Variants in EYA1 observed in about 807,000 individuals in gnomAD.
EYA1 encodes the protein protein phosphatase EYA1.
EYA1 carries 16 observed loss-of-function variants against 82.0 expected under a neutral mutation model. The observed-to-expected ratio is 0.20, with a 90% CI of 0.13 to 0.30. The LOEUF (loss-of-function observed/expected upper bound fraction) is 0.30. Among genes scored for constraint, EYA1 ranks in the 10% least tolerant of loss-of-function variants. The pLI is 1.00. For synonymous variants in EYA1, 261 were observed against 264.4 expected, an observed-to-expected ratio of 0.99 and a Z score of 0.12; for missense variants, 633 against 730.7, an observed-to-expected ratio of 0.87 and a Z score of 1.54.
At chr8:71,335,796 A>G (rs930488377) in intron 3 of EYA1, among the ~76,000 whole-genome samples, 2 of 151,854 alleles carry the variant, frequency 1.3e-5, no homozygotes, top group Non-Finnish European at 2.9e-5. Flanking sequence ...TACCTCCTTA[A>G]AAACACACAC....
chr8:71,523,044 T>C (rs961447836), intron 2 of EYA1, among the ~76,000 whole-genome samples: 1 of 152,208 alleles, frequency 6.6e-6, no homozygotes, highest in Non-Finnish European at 1.5e-5. Context: ...TTTTTCTCCC[T>C]TTACAAGTGC....
intron 2 of EYA1, among the ~76,000 whole-genome samples, chr8:71,456,968 C>A (rs1294799358): frequency 6.6e-6 from 1 of 152,144 alleles, no homozygotes; most frequent in Non-Finnish European, 1.5e-5. Context: ...TCAAAGTGAA[C>A]AGGCAACCTA....
chr8:71,362,008 G>C lies in EYA1; in HGVS notation c.-416C>G. On this transcript the variant is annotated 5_prime_UTR_variant, in exon 1 of 18. Coordinates refer to ENST00000340726, the MANE Select transcript of EYA1 (RefSeq NM_000503.6). ...GCCATCAGCTCCCACCGTTCTGTTTGGTAACAGCTTTGCGCCCAGCGCTCC... is the reference window on the plus strand; with the variant it reads ...GCCATCAGCTCCCACCGTTCTGTTTCGTAACAGCTTTGCGCCCAGCGCTCC... 1 of 985,496 alleles carries C rather than the reference G, an allele frequency of 1.0e-6. No homozygotes were observed. Among genetic ancestry groups the C allele is most frequent in the Non-Finnish European group, 1.2e-6 (1 of 829,990 alleles). 61.0% of individuals were successfully genotyped at this position (985,496 alleles called of 1,614,324 possible). A position where few individuals can be genotyped will look rare whatever the true frequency, so the allele number is the denominator to read the frequency against.
chr8:71,535,876 G>T, intron 1 of EYA1: 1 of 609,518 alleles, frequency 1.6e-6, no homozygotes. Flanking sequence ...TCACACAGCT[G>T]TATTAATTGT....
At chr8:71,443,450 T>G (rs1315728946) in intron 2 of EYA1, among the ~76,000 whole-genome samples, 27 of 152,158 alleles carry the variant, frequency 1.8e-4, no homozygotes, top group Admixed American at 1.8e-3. Context: ...CTGGCTAATT[T>G]TTGTATTTTC....
chr8:71,538,978 G>A (rs919518202), intron 1 of EYA1, among the ~76,000 whole-genome samples: 13 of 152,004 alleles, frequency 8.6e-5, no homozygotes, highest in South Asian at 2.1e-4. Context: ...CTTTATTTAC[G>A]CACTTTTGAG....
rs754967347 is a variant in EYA1 at position 71,215,511 on chromosome 8, A to G, written c.1476-3T>C. On this transcript the variant is annotated splice_polypyrimidine_tract_variant and splice_region_variant and intron_variant, in intron 15 of 17. Transcript: ENST00000340726. ...CTAAAATATTCACACAGTTTGTCCT[A>G]TGAGAACAAAAAGAAAACAAAGACT... The G allele has an allele frequency of 6.2e-6, 10 of 1,613,522 alleles. No homozygotes were observed. The highest frequency in any genetic ancestry group is 6.8e-6 in the Non-Finnish European group (8 of 1,179,416).
intron 2 of EYA1, among the ~76,000 whole-genome samples, chr8:71,428,996 GA>G (rs1242749444): frequency 6.6e-6 from 1 of 152,154 alleles, no homozygotes; most frequent in Non-Finnish European, 1.5e-5. Flanking sequence ...AGAGGCCCAG[GA>G]AAACAGATCT....
chr8:71,252,245 G>C (rs745421957), intron 11 of EYA1, among the ~76,000 whole-genome samples: 1 of 151,798 alleles, frequency 6.6e-6, no homozygotes, highest in Non-Finnish European at 1.5e-5. Context: ...GTTTTTGCAG[G>C]GCTAAGTCAT....
rs528934922 is a variant in EYA1, at chr8:71,394,558, C to A, written c.34-38047G>T. On this transcript the variant is annotated intron_variant, in intron 2 of 18. Coordinates refer to the EYA1 transcript ENST00000643681. Reference sequence around the variant, plus strand: ...ATTTATTAAATAGGGAATCATTTCCCTATTTCTTGTTTTTGTCAGGGTTGT... The same window carrying A: ...ATTTATTAAATAGGGAATCATTTCCATATTTCTTGTTTTTGTCAGGGTTGT... Among the ~76,000 whole-genome samples, 27 of 152,226 alleles carry A rather than the reference C, an allele frequency of 1.8e-4. 1 individual carries two copies. Among genetic ancestry groups the A allele is most frequent in the Admixed American group, 1.3e-4 (2 of 15,294 alleles).
At chr8:71,402,149 C>T (rs1386976632) in intron 2 of EYA1, among the ~76,000 whole-genome samples, 1 of 152,174 alleles carries the variant, frequency 6.6e-6, no homozygotes, top group Non-Finnish European at 1.5e-5. Context: ...CATTTGAGAA[C>T]CAGATGCACC....
At chr8:71,524,932 T>C (rs1417897687) in intron 2 of EYA1, among the ~76,000 whole-genome samples, 1 of 152,250 alleles carries the variant, frequency 6.6e-6, no homozygotes, top group Non-Finnish European at 1.5e-5. Context: ...TGTTTCGGAA[T>C]ACTGCCTGGA....
intron 2 of EYA1, among the ~76,000 whole-genome samples, chr8:71,487,939 A>G (rs1810693588): frequency 6.6e-6 from 1 of 152,208 alleles, no homozygotes; most frequent in Non-Finnish European, 1.5e-5. Flanking sequence ...CTACCCTAGG[A>G]GCAGCAGTTC....
intron 12 of EYA1, among the ~76,000 whole-genome samples, chr8:71,236,573 G>T (rs762474462): frequency 8.6e-5 from 13 of 152,030 alleles, no homozygotes; most frequent in Non-Finnish European, 1.9e-4. Context: ...AACCATGGGG[G>T]GTGGGTATAT....
chr8:71,294,050 C>T (rs1349010861), intron 9 of EYA1, among the ~76,000 whole-genome samples: 2 of 151,416 alleles, frequency 1.3e-5, no homozygotes, highest in East Asian at 2.0e-4. Context: ...AACAAATACC[C>T]ACCCCCAAAA....
chr8:71,199,519 T>TATCA, intron 17 of EYA1, 99 bp from the exon 18 acceptor site: 2 of 759,758 alleles, frequency 2.6e-6, no homozygotes, highest in Non-Finnish European at 2.3e-6. Flanking sequence ...CCATTTTCAG[T>TATCA]ATCATTGAAA....
At chr8:71,448,468 C>T (rs770130640) in intron 2 of EYA1, among the ~76,000 whole-genome samples, 3 of 150,968 alleles carry the variant, frequency 2.0e-5, no homozygotes, top group East Asian at 1.9e-4. Context: ...CCACTACATT[C>T]GCAGTTACTT....
chr8:71,214,737 G>A (rs1016679851), intron 16 of EYA1, among the ~76,000 whole-genome samples: 1 of 152,098 alleles, frequency 6.6e-6, no homozygotes, highest in Admixed American at 6.5e-5. Context: ...AGGGCATCTA[G>A]TAGACAACTA....
At chr8:71,356,652 G>C (rs1448375461) in intron 1 of EYA1, 141 bp from the exon 2 acceptor site, 4 of 1,367,038 alleles carry the variant, frequency 2.9e-6, no homozygotes, top group Non-Finnish European at 1.9e-6. Context: ...AGCAGTGAAA[G>C]GCATATTGTC....
Sources: gnomAD v4.1 joint callset for allele counts (sites outside exome capture counted in the v4.1 genomes callset) on GRCh38, gnomAD v4.1.1 for gene constraint, MANE v1.5 for transcripts, NCBI Gene and HGNC (gene_info 2026-07-23, HGNC 2026-07-21) for gene names.